ZNF469: variants seen among roughly 807,000 people sequenced by gnomAD.
ZNF469 encodes zinc finger protein 469.
ZNF469 carries 1 observed loss-of-function variant against 1.0 expected under a neutral mutation model. That is an observed-to-expected ratio of 1.00 (90% CI 0.35 to 4.73). The LOEUF is 4.73. ZNF469 is among the 30% of genes most tolerant of loss of function. The probability of loss-of-function intolerance (pLI) is 0.16; values close to 1 mark genes in which losing one functional copy is unlikely to be tolerated. For synonymous variants in ZNF469, 2,703 were observed against 2,363.4 expected (o/e 1.14, Z -4.17); for missense variants, 6,100 against 5,356.3 (o/e 1.14, Z -4.33).
the ZNF469 span, among the ~76,000 whole-genome samples, chr16:88,272,611 T>G: frequency 1.3e-5 from 2 of 150,760 alleles, no homozygotes. Context: ...GATGGACGAG[T>G]GGATAGATGA....
At chr16:88,276,434 G>A in the ZNF469 span, 10 of 152,092 alleles carry the variant, frequency 6.6e-5, no homozygotes, top group African/African-American at 2.2e-4. Context: ...CAGCACCCCC[G>A]CCGAGCACCT....
chr16:88,143,973 C>T, the ZNF469 span, among the ~76,000 whole-genome samples: 1 of 152,160 alleles, frequency 6.6e-6, no homozygotes, highest in African/African-American at 2.4e-5. Flanking sequence ...TGCCCTTCCT[C>T]CCGCCCATCG....
chr16:88,139,346 T>C, the ZNF469 span, among the ~76,000 whole-genome samples: 36 of 131,198 alleles, frequency 2.7e-4, no homozygotes, highest in East Asian at 5.0e-4. Flanking sequence ...GGCCTGGGGA[T>C]GTGACGAGGA....
At chr16:88,236,526 C>T in the ZNF469 span, among the ~76,000 whole-genome samples, 2 of 152,208 alleles carry the variant, frequency 1.3e-5, no homozygotes, top group African/African-American at 4.8e-5. Flanking sequence ...CTTTGGAATC[C>T]TCTTGGCTGA....
At chr16:88,165,343 G>A in the ZNF469 span, among the ~76,000 whole-genome samples, 1 of 152,240 alleles carries the variant, frequency 6.6e-6, no homozygotes, top group South Asian at 2.1e-4. Context: ...CAGTCCCTGT[G>A]CCTTCAACCT....
the ZNF469 span, among the ~76,000 whole-genome samples, chr16:88,233,095 C>T: frequency 1.4e-4 from 21 of 152,086 alleles, no homozygotes; most frequent in South Asian, 2.1e-4. Context: ...CGTTCAAGGA[C>T]GAGGCTTCCG....
the ZNF469 span, among the ~76,000 whole-genome samples, chr16:88,273,378 C>A: frequency 6.6e-6 from 1 of 151,708 alleles, no homozygotes; most frequent in Non-Finnish European, 1.5e-5. Flanking sequence ...TTTACAAAGT[C>A]GTGCACATGA....
At chr16:88,276,553 C>G in the ZNF469 span, 1 of 152,282 alleles carries the variant, frequency 6.6e-6, no homozygotes, top group African/African-American at 2.4e-5. Flanking sequence ...GTGAACACAT[C>G]GCCACTGCCA....
At chr16:88,344,281 C>T in the ZNF469 span, among the ~76,000 whole-genome samples, 26 of 152,002 alleles carry the variant, frequency 1.7e-4, no homozygotes, top group African/African-American at 6.0e-4. Context: ...CCGAACAAAG[C>T]GTGGACTTCA....
chr16:88,208,803 A>ACTCTCTCT, the ZNF469 span, among the ~76,000 whole-genome samples: 394 of 123,646 alleles, frequency 3.2e-3, 4 homozygotes, highest in African/African-American at 0.012. Flanking sequence ...ACACACACAC[A>ACTCTCTCT]CTCTCTCTCT....
At chr16:88,239,336 G>C in the ZNF469 span, among the ~76,000 whole-genome samples, 1 of 152,020 alleles carries the variant, frequency 6.6e-6, no homozygotes, top group African/African-American at 2.4e-5. Context: ...AGATGAAGAA[G>C]ATTCTTTAAG....
chr16:88,165,151 G>A, the ZNF469 span, among the ~76,000 whole-genome samples: 3 of 152,222 alleles, frequency 2.0e-5, no homozygotes, highest in East Asian at 1.9e-4. Context: ...GAGGCAGCAG[G>A]GCTCCTGTGA....
At chr16:88,389,267 G>A (rs944307198) in intron 1 of ZNF469, among the ~76,000 whole-genome samples, 7 of 152,362 alleles carry the variant, frequency 4.6e-5, no homozygotes, top group East Asian at 1.9e-4. Flanking sequence ...CATCCCGCTC[G>A]TTTGTGACTG....
chr16:88,350,075 C>T, the ZNF469 span, among the ~76,000 whole-genome samples: 7 of 152,170 alleles, frequency 4.6e-5, no homozygotes, highest in South Asian at 2.1e-4. Context: ...TGGCCCAGCC[C>T]GGCAGGCACG....
chr16:88,253,181 A>G, the ZNF469 span, among the ~76,000 whole-genome samples: 1 of 152,206 alleles, frequency 6.6e-6, no homozygotes, highest in Non-Finnish European at 1.5e-5. Flanking sequence ...CAGCATTCTT[A>G]TCCATGCCTT....
At chr16:88,239,683 ATATATATATATATATATAT>A in the ZNF469 span, among the ~76,000 whole-genome samples, 1 of 6,044 alleles carries the variant, frequency 1.7e-4, no homozygotes, top group Non-Finnish European at 3.6e-4. Context: ...ATATATATAT[ATATATATATATATATATAT>A]ATATATATAT....
chr16:88,286,455 G>C, the ZNF469 span, among the ~76,000 whole-genome samples: 1 of 152,216 alleles, frequency 6.6e-6, no homozygotes, highest in Admixed American at 6.5e-5. Flanking sequence ...CTGAACGCCG[G>C]GTATTTACAC....
rs1010183160 is a variant in ZNF469 at position 88,435,899 on chromosome 16, C to T, written c.8429C>T (p.Ala2810Val). ...LGFPETSSSPADSTTSSCLQG... is the reference protein window; with the variant it reads ...LGFPETSSSPVDSTTSSCLQG... ...TTTCCCGAGACTTCCAGCTCTCCGG[C>T]GGACAGCACCACCAGCAGCTGCCTC... is the stretch of plus-strand genomic sequence containing the variant. The change falls in exon 3 of 3, where the codon GCG (alanine) becomes GTG (valine). Residue 2810 changes from alanine (A) to valine (V), a missense_variant. Ala to Val is a moderately conservative substitution (Grantham distance 64). Coordinates refer to ENST00000565624, the MANE Select transcript of ZNF469 (RefSeq NM_001367624.2). The T allele has an allele frequency of 1.2e-5, 18 of 1,550,072 alleles. No individual in the cohort carries two copies. Among genetic ancestry groups the T allele is most frequent in the South Asian group, 2.4e-5 (2 of 84,070 alleles).
the ZNF469 span, among the ~76,000 whole-genome samples, chr16:88,289,815 G>C: frequency 6.6e-6 from 1 of 152,328 alleles, no homozygotes; most frequent in Non-Finnish European, 1.5e-5. Flanking sequence ...TTATGGACCA[G>C]ATATGCACAC....
Sources: allele counts gnomAD v4.1 joint callset (sites outside exome capture counted in the v4.1 genomes callset), GRCh38; gene constraint gnomAD v4.1.1; transcripts MANE v1.5; gene names NCBI Gene and HGNC (gene_info 2026-07-23, HGNC 2026-07-21).